The following CSMD1 variants were observed in gnomAD, a reference collection of about 807,000 sequenced individuals.
CSMD1 encodes CUB and Sushi multiple domains 1.
CSMD1 carries 213 observed loss-of-function variants against 417.5 expected under a neutral mutation model. The observed-to-expected ratio is 0.51, with a 90% CI of 0.46 to 0.57. The LOEUF (loss-of-function observed/expected upper bound fraction) is 0.57. CSMD1 is among the 20% of genes least tolerant of loss of function. CSMD1 has a pLI of 0.00. For missense variants in CSMD1, 6,923 were observed against 4,529.7 expected (o/e 1.53, Z -15.17); for synonymous variants, 2,862 against 1,736.8 (o/e 1.65, Z -16.11).
chr8:4,774,679 G>A (rs1039552512), intron 1 of CSMD1, among the ~76,000 whole-genome samples: 2 of 152,110 alleles, frequency 1.3e-5, no homozygotes, highest in East Asian at 1.9e-4. Flanking sequence ...GATGGCAGAA[G>A]TATTGGCTCA....
At chr8:3,602,801 C>T (rs755987588) in intron 8 of CSMD1, among the ~76,000 whole-genome samples, 11 of 151,446 alleles carry the variant, frequency 7.3e-5, no homozygotes, top group Non-Finnish European at 1.2e-4. Context: ...TCAAATAGTC[C>T]CCGAGATGGC....
intron 12 of CSMD1, among the ~76,000 whole-genome samples, chr8:3,437,773 A>C (rs1209469064): frequency 6.7e-6 from 1 of 150,188 alleles, no homozygotes; most frequent in Non-Finnish European, 1.5e-5. Context: ...TTTGTTTCAG[A>C]GTCTTGCTCT....
intron 11 of CSMD1, among the ~76,000 whole-genome samples, chr8:3,482,959 T>C (rs1248993664): frequency 6.6e-6 from 1 of 151,914 alleles, no homozygotes; most frequent in Non-Finnish European, 1.5e-5. Flanking sequence ...CATATAAAAA[T>C]ATGTGGGAAG....
intron 3 of CSMD1, among the ~76,000 whole-genome samples, chr8:4,395,633 C>T (rs1333763426): frequency 2.0e-5 from 3 of 151,864 alleles, no homozygotes; most frequent in East Asian, 3.9e-4. Flanking sequence ...TATACTAATA[C>T]TTCTATCTAA....
intron 1 of CSMD1, among the ~76,000 whole-genome samples, chr8:4,728,292 A>G (rs1452250598): frequency 6.0e-5 from 9 of 151,248 alleles, no homozygotes; most frequent in Admixed American, 3.3e-4. Context: ...TAAAATTTTA[A>G]TATTAGGTGT....
intron 2 of CSMD1, among the ~76,000 whole-genome samples, chr8:4,469,503 T>A (rs1800396836): frequency 6.6e-6 from 1 of 152,180 alleles, no homozygotes; most frequent in African/African-American, 2.4e-5. Flanking sequence ...AGATTTTACC[T>A]AGAACCAAAC....
chr8:3,231,943 T>C (rs1413910118), intron 26 of CSMD1, among the ~76,000 whole-genome samples: 3 of 152,240 alleles, frequency 2.0e-5, no homozygotes, highest in South Asian at 2.1e-4. Flanking sequence ...TCTAAGCTAA[T>C]TGAGGCAAGA....
At chr8:4,548,782 A>G (rs1344018253) in intron 2 of CSMD1, among the ~76,000 whole-genome samples, 2 of 152,098 alleles carry the variant, frequency 1.3e-5, no homozygotes, top group Non-Finnish European at 2.9e-5. Flanking sequence ...CCTTCCTGTT[A>G]GTTCACGGGA....
At chr8:3,811,734 C>A (rs369326070) in intron 5 of CSMD1, among the ~76,000 whole-genome samples, 28 of 151,994 alleles carry the variant, frequency 1.8e-4, no homozygotes, top group Admixed American at 2.6e-4. Context: ...TTTCACAATG[C>A]GGCGGAGAAA....
At chr8:4,460,192 A>ATT (rs1799727743) in intron 2 of CSMD1, among the ~76,000 whole-genome samples, 1 of 152,200 alleles carries the variant, frequency 6.6e-6, no homozygotes, top group Admixed American at 6.5e-5. Context: ...GAAAATTAGA[A>ATT]TTTGAGAAAT....
intron 6 of CSMD1, among the ~76,000 whole-genome samples, chr8:3,710,220 T>C (rs1382487555): frequency 1.3e-5 from 2 of 152,176 alleles, no homozygotes; most frequent in Non-Finnish European, 2.9e-5. Flanking sequence ...TATACATTCA[T>C]TGAACAGAGT....
At chr8:4,966,555 T>G (rs1809871197) in intron 1 of CSMD1, among the ~76,000 whole-genome samples, 1 of 152,170 alleles carries the variant, frequency 6.6e-6, no homozygotes, top group Non-Finnish European at 1.5e-5. Flanking sequence ...TGAGAGTGAC[T>G]GATGTGCAAG....
intron 25 of CSMD1, among the ~76,000 whole-genome samples, chr8:3,301,317 G>A (rs1250681157): frequency 6.6e-6 from 1 of 152,122 alleles, no homozygotes; most frequent in African/African-American, 2.4e-5. Context: ...GTGGTGGGCA[G>A]GGAGGAGAGT....
intron 17 of CSMD1, among the ~76,000 whole-genome samples, chr8:3,395,513 G>T (rs1811632129): frequency 6.6e-6 from 1 of 152,154 alleles, no homozygotes; most frequent in Non-Finnish European, 1.5e-5. Context: ...CATTTCAGAA[G>T]CTAAAACTTT....
At chr8:4,384,347 T>A (rs1803303626) in intron 3 of CSMD1, among the ~76,000 whole-genome samples, 1 of 152,090 alleles carries the variant, frequency 6.6e-6, no homozygotes, top group African/African-American at 2.4e-5. Flanking sequence ...CACACCACAA[T>A]GCAACGCATC....
chr8:3,519,285 G>C (rs773189307), intron 10 of CSMD1, among the ~76,000 whole-genome samples: 1 of 152,100 alleles, frequency 6.6e-6, no homozygotes, highest in South Asian at 2.1e-4. Flanking sequence ...AAATACCTGA[G>C]TCTTCAAATT....
chr8:4,631,844 T>C (rs182276863), intron 2 of CSMD1, among the ~76,000 whole-genome samples: 1 of 152,300 alleles, frequency 6.6e-6, no homozygotes, highest in East Asian at 1.9e-4. Flanking sequence ...TCGAGATAAA[T>C]GCCAAAGCTA....
At chr8:4,322,020 C>T (rs1322044297) in intron 3 of CSMD1, among the ~76,000 whole-genome samples, 2 of 152,004 alleles carry the variant, frequency 1.3e-5, no homozygotes. Flanking sequence ...AAAAGCTATT[C>T]CATTAATTTA....
intron 2 of CSMD1, among the ~76,000 whole-genome samples, chr8:4,504,024 T>A (rs1381250124): frequency 1.3e-5 from 2 of 151,458 alleles, no homozygotes; most frequent in Non-Finnish European, 2.9e-5. Context: ...AGGTTATCTG[T>A]GTTCTCATGT....
Sources: allele counts gnomAD v4.1 joint callset (sites outside exome capture counted in the v4.1 genomes callset), GRCh38; gene constraint gnomAD v4.1.1; transcripts MANE v1.5; gene names NCBI Gene and HGNC (gene_info 2026-07-23, HGNC 2026-07-21).